The following DLG2 variants were observed in gnomAD, a reference collection of about 807,000 sequenced individuals.
The protein encoded by DLG2 is disks large homolog 2.
In DLG2, 45 loss-of-function variants were observed where a neutral mutation model predicts 132.5. That is an observed-to-expected ratio of 0.34 (90% confidence interval 0.27 to 0.44). The LOEUF (loss-of-function observed/expected upper bound fraction) is 0.44, where lower values mean the gene tolerates loss of function less well. Ranked by LOEUF, DLG2 falls within the 20% of genes least tolerant of loss-of-function variation. The pLI, the probability that DLG2 is intolerant of heterozygous loss-of-function variation, is 1.00. For missense variants in DLG2, 1,045 were observed against 1,196.9 expected, an observed-to-expected ratio of 0.87 and a Z score of 1.87; for synonymous variants, 424 against 419.6, an observed-to-expected ratio of 1.01 and a Z score of -0.13.
chr11:85,100,290 C>T (rs185884567), intron 6 of DLG2, among the ~76,000 whole-genome samples: 337 of 152,080 alleles, frequency 2.2e-3, no homozygotes, highest in African/African-American at 7.8e-3. Flanking sequence ...ATAATAATAA[C>T]AATAAAATTA....
At chr11:84,838,175 T>A (rs2080079007) in intron 6 of DLG2, among the ~76,000 whole-genome samples, 1 of 151,884 alleles carries the variant, frequency 6.6e-6, no homozygotes, top group Admixed American at 6.6e-5. Flanking sequence ...TATGTACATA[T>A]TAGAATATTT....
intron 18 of DLG2, among the ~76,000 whole-genome samples, chr11:83,762,713 TG>T (rs899749493): frequency 2.6e-5 from 4 of 152,082 alleles, no homozygotes; most frequent in Non-Finnish European, 5.9e-5. Context: ...ACTCAACAGC[TG>T]GGACTACAGG....
rs771983062 is a variant in DLG2, at chr11:83,904,840, T to C, written c.1496+25488A>G. ...CTTCTTTGTGTTGCACTGTGGGAAC[T>C]GGAGCTCAGGGAACTGCTGAAAATG... On this transcript the variant is annotated intron_variant, in intron 15 of 27. Coordinates refer to ENST00000376104, the MANE Select transcript of DLG2 (RefSeq NM_001142699.3). Among the ~76,000 whole-genome samples, 15 of 152,160 alleles carry C rather than the reference T, an allele frequency of 9.9e-5. 1 individual carries two copies. Among genetic ancestry groups the C allele is most frequent in the Admixed American group, 7.9e-4 (12 of 15,244 alleles).
chr11:83,783,347 T>G (rs2094914882), intron 18 of DLG2, among the ~76,000 whole-genome samples: 1 of 152,236 alleles, frequency 6.6e-6, no homozygotes, highest in Non-Finnish European at 1.5e-5. Context: ...AGACATTTAT[T>G]GCTACATTAT....
At chr11:84,747,968 C>T (rs565521011) in intron 6 of DLG2, among the ~76,000 whole-genome samples, 6 of 152,272 alleles carry the variant, frequency 3.9e-5, no homozygotes, top group Admixed American at 6.5e-5. Context: ...CCTCTGTGGC[C>T]GAGTGCCATA....
chr11:85,436,666 A>G (rs2091497566), intron 3 of DLG2, among the ~76,000 whole-genome samples: 1 of 152,202 alleles, frequency 6.6e-6, no homozygotes, highest in South Asian at 2.1e-4. Flanking sequence ...GATAATGGTG[A>G]GGCTATGGAA....
Position 84,871,446 on chromosome 11 carries a change from C to T in DLG2, c.357+240215G>A, listed in dbSNP as rs144208610. 3.3e-5 allele frequency among the ~76,000 whole-genome samples: 5 copies of T among 152,196 alleles called. No individual in the cohort carries two copies. The East Asian group carries it at 9.6e-4, about 29-fold the overall frequency. On this transcript the variant is annotated intron_variant, in intron 6 of 27. Transcript: ENST00000376104. ...TACCCAGATTCTGGAAGTTTGGGGA[C>T]CACTATTTGTAACATAGGCTTTTTG...
At chr11:84,500,959 A>G (rs1385286269) in intron 7 of DLG2, among the ~76,000 whole-genome samples, 1 of 152,170 alleles carries the variant, frequency 6.6e-6, no homozygotes, top group African/African-American at 2.4e-5. Flanking sequence ...TCTCACTTAT[A>G]TGAAAAAAAG....
intron 7 of DLG2, among the ~76,000 whole-genome samples, chr11:84,396,241 T>G (rs993123783): frequency 1.3e-5 from 2 of 152,212 alleles, no homozygotes; most frequent in African/African-American, 4.8e-5. Flanking sequence ...GGAAGGACTT[T>G]GAAGCTACTC....
chr11:85,354,922 TA>T (rs1027861401), intron 3 of DLG2, among the ~76,000 whole-genome samples: 5 of 148,950 alleles, frequency 3.4e-5, no homozygotes, highest in Admixed American at 6.7e-5. Flanking sequence ...TTTCATAAAT[TA>T]AAAAAAAAAC....
chr11:85,353,694 T>C (rs2083469453), intron 3 of DLG2, among the ~76,000 whole-genome samples: 1 of 152,136 alleles, frequency 6.6e-6, no homozygotes, highest in Non-Finnish European at 1.5e-5. Flanking sequence ...TGTAGGGACA[T>C]GGATGAAGCT....
intron 6 of DLG2, among the ~76,000 whole-genome samples, chr11:84,764,656 T>C (rs1440745070): frequency 3.3e-5 from 5 of 151,962 alleles, no homozygotes; most frequent in East Asian, 1.9e-4. Context: ...TCTACACAAA[T>C]AGAAGAGCAT....
At chr11:83,593,567 T>C (rs1420459899) in intron 19 of DLG2, among the ~76,000 whole-genome samples, 1 of 151,018 alleles carries the variant, frequency 6.6e-6, no homozygotes, top group Non-Finnish European at 1.5e-5. Context: ...GTGGGTGCAG[T>C]GCACCAGCAT....
intron 6 of DLG2, among the ~76,000 whole-genome samples, chr11:84,912,432 C>T (rs895957729): frequency 5.3e-5 from 8 of 152,120 alleles, no homozygotes; most frequent in African/African-American, 1.4e-4. Flanking sequence ...CTGGGATTAC[C>T]GGCGTGAGCC....
At chr11:83,597,623 C>CT (rs771474125) in intron 19 of DLG2, among the ~76,000 whole-genome samples, 1 of 125,000 alleles carries the variant, frequency 8.0e-6, no homozygotes, top group Admixed American at 8.8e-5. Context: ...CATCTCTACC[C>CT]CAAAAAAAAA....
At chr11:83,818,327 T>G (rs1565191475) in intron 17 of DLG2, among the ~76,000 whole-genome samples, 1 of 152,154 alleles carries the variant, frequency 6.6e-6, no homozygotes, top group Non-Finnish European at 1.5e-5. Flanking sequence ...AAAAAATCGT[T>G]TATCTTAGAC....
intron 6 of DLG2, among the ~76,000 whole-genome samples, chr11:84,890,506 A>G (rs577610028): frequency 2.0e-5 from 3 of 152,146 alleles, no homozygotes; most frequent in Non-Finnish European, 2.9e-5. Context: ...CTCTCCCCGG[A>G]GGAGAAGAAA....
rs552424416 is a variant in DLG2 at position 85,280,385 on chromosome 11, A to T, written c.186+4835T>A. ...AGATTAAAAATCAGATAGGTTAAAT[A>T]ATTTGACAATGGCCATGTAACTAGC... On this transcript the variant is annotated intron_variant, in intron 4 of 27. Coordinates refer to ENST00000376104, the MANE Select transcript of DLG2 (RefSeq NM_001142699.3). 2.6e-5 allele frequency among the ~76,000 whole-genome samples: 4 copies of T among 152,230 alleles called. No homozygotes were observed. In the South Asian group the frequency reaches 8.3e-4, roughly 32 times the overall value.
intron 9 of DLG2, 116 bp from the exon 10 acceptor site, chr11:84,099,163 G>T: frequency 1.1e-6 from 1 of 918,866 alleles, no homozygotes; most frequent in Non-Finnish European, 1.7e-6. Flanking sequence ...CAACAGTCTT[G>T]TATGCTAAAT....
Sources: gnomAD v4.1 joint callset for allele counts (sites outside exome capture counted in the v4.1 genomes callset) on GRCh38, gnomAD v4.1.1 for gene constraint, MANE v1.5 for transcripts, NCBI Gene and HGNC (gene_info 2026-07-23, HGNC 2026-07-21) for gene names.